DAB1: variants seen among roughly 807,000 people sequenced by gnomAD.
The protein encoded by DAB1 is DAB adaptor protein 1.
In DAB1, 15 loss-of-function variants were observed where a neutral mutation model predicts 64.6. The observed-to-expected ratio is 0.23, with a 90% confidence interval of 0.16 to 0.36. The LOEUF (loss-of-function observed/expected upper bound fraction) is 0.36. DAB1 is among the 10% of genes least tolerant of loss of function. The probability of loss-of-function intolerance (pLI) is 1.00; values close to 1 mark genes in which losing one functional copy is unlikely to be tolerated. For synonymous variants in DAB1, 235 were observed against 251.9 expected, an observed-to-expected ratio of 0.93 and a Z score of 0.64; for missense variants, 596 against 706.7, an observed-to-expected ratio of 0.84 and a Z score of 1.78.
intron 3 of DAB1, among the ~76,000 whole-genome samples, chr1:58,474,562 C>T (rs1222087992): frequency 6.6e-6 from 1 of 152,140 alleles, no homozygotes; most frequent in Non-Finnish European, 1.5e-5. Flanking sequence ...CAAGGGTCAA[C>T]TGTATGTTCC....
At chr1:57,430,425 G>A (rs937972241) in intron 7 of DAB1, among the ~76,000 whole-genome samples, 7 of 150,694 alleles carry the variant, frequency 4.6e-5, no homozygotes, top group Non-Finnish European at 1.0e-4. Context: ...GCCCAGGCTG[G>A]AGTGCAGTGG....
chr1:58,214,783 G>A (rs968655024), intron 4 of DAB1, among the ~76,000 whole-genome samples: 7 of 152,160 alleles, frequency 4.6e-5, no homozygotes, highest in African/African-American at 9.7e-5. Flanking sequence ...TCAAGGCTAA[G>A]CTTTTGACTA....
chr1:58,544,787 T>G (rs578080322), intron 1 of DAB1, among the ~76,000 whole-genome samples: 1 of 152,298 alleles, frequency 6.6e-6, no homozygotes, highest in East Asian at 1.9e-4. Flanking sequence ...AGAGACGGGG[T>G]TTCGGCAAAT....
chr1:57,266,162 G>A (rs1670576933), intron 2 of DAB1, among the ~76,000 whole-genome samples: 1 of 152,190 alleles, frequency 6.6e-6, no homozygotes, highest in South Asian at 2.1e-4. Context: ...TCAGAAAAAG[G>A]GGAGGCAGGA....
intron 5 of DAB1, among the ~76,000 whole-genome samples, chr1:58,067,171 A>G (rs1648905614): frequency 6.6e-6 from 1 of 152,178 alleles, no homozygotes; most frequent in Non-Finnish European, 1.5e-5. Flanking sequence ...TCCTTATTTG[A>G]GTGACTAAAA....
At chr1:58,132,416 C>A (rs1653671792) in intron 5 of DAB1, among the ~76,000 whole-genome samples, 1 of 152,204 alleles carries the variant, frequency 6.6e-6, no homozygotes. Flanking sequence ...AATCACCCGT[C>A]TTCTGCGTCG....
chr1:58,090,471 C>A (rs1286109352), intron 5 of DAB1, among the ~76,000 whole-genome samples: 1 of 152,154 alleles, frequency 6.6e-6, no homozygotes, highest in African/African-American at 2.4e-5. Flanking sequence ...GCCTATCATG[C>A]CAATTCCCTT....
intron 5 of DAB1, among the ~76,000 whole-genome samples, chr1:57,986,973 T>C (rs1646234641): frequency 6.6e-6 from 1 of 152,234 alleles, no homozygotes; most frequent in Non-Finnish European, 1.5e-5. Context: ...AGACTTTAAA[T>C]GAATTGTTCA....
chr1:57,256,986 T>G (rs575250350), intron 2 of DAB1, among the ~76,000 whole-genome samples: 1 of 152,302 alleles, frequency 6.6e-6, no homozygotes, highest in South Asian at 2.1e-4. Context: ...AATTTTAGGG[T>G]TGGCATTTAA....
intron 3 of DAB1, among the ~76,000 whole-genome samples, chr1:58,413,513 T>G (rs56031692): frequency 0.15 from 23,074 of 152,132 alleles, 2,250 homozygotes; most frequent in Middle Eastern, 0.22. Flanking sequence ...CAAACTGCAC[T>G]GTCTCCCTGT....
intron 7 of DAB1, among the ~76,000 whole-genome samples, chr1:57,630,166 T>C (rs1645971347): frequency 6.6e-6 from 1 of 152,144 alleles, no homozygotes; most frequent in African/African-American, 2.4e-5. Flanking sequence ...AGATATTTCA[T>C]TTGCAGGGCA....
At chr1:57,838,208 G>C (rs1652897805) in intron 1 of DAB1, among the ~76,000 whole-genome samples, 1 of 151,768 alleles carries the variant, frequency 6.6e-6, no homozygotes, top group African/African-American at 2.4e-5. Context: ...CTTATAAAAT[G>C]ACGCTTTTCA....
intron 3 of DAB1, among the ~76,000 whole-genome samples, chr1:58,421,867 T>C (rs112983416): frequency 2.6e-5 from 4 of 152,206 alleles, no homozygotes; most frequent in Non-Finnish European, 2.9e-5. Flanking sequence ...AAGTGGGCAG[T>C]AGTATAGGTT....
intron 7 of DAB1, among the ~76,000 whole-genome samples, chr1:57,457,144 C>T (rs1200587713): frequency 2.0e-5 from 3 of 152,176 alleles, no homozygotes. Context: ...TCCTCATCTA[C>T]ACTTCATCTT....
intron 6 of DAB1, among the ~76,000 whole-genome samples, chr1:57,706,368 C>G (rs1646967158): frequency 1.3e-5 from 2 of 151,856 alleles, no homozygotes; most frequent in South Asian, 2.1e-4. Context: ...TCCTGTGGTA[C>G]CATCAGGGCT....
chr1:58,531,688 G>A (rs1046558742), intron 1 of DAB1, among the ~76,000 whole-genome samples: 1 of 147,534 alleles, frequency 6.8e-6, no homozygotes, highest in East Asian at 2.0e-4. Flanking sequence ...ACACAAATGT[G>A]TGTTTTGAAA....
chr1:58,309,570 T>C (rs991404481), intron 4 of DAB1, among the ~76,000 whole-genome samples: 3 of 152,126 alleles, frequency 2.0e-5, no homozygotes, highest in Non-Finnish European at 4.4e-5. Context: ...CACAAAAAAC[T>C]ATGGCATATA....
rs1660535477 is a variant in DAB1 at position 57,159,468 on chromosome 1, A to C, written c.68-14039T>G. ...AAAGCAAGAAAAAGCCAGGCCCTAC[A>C]ATCTCCCCTTGGTAGACTGTAAGTT... is the stretch of plus-strand genomic sequence containing the variant. On this transcript the variant is annotated intron_variant, in intron 2 of 14. Transcript: ENST00000371236. 2.0e-5 allele frequency among the ~76,000 whole-genome samples: 3 copies of C among 152,164 alleles called. No individual in the cohort carries two copies. The South Asian group carries it at 6.2e-4, about 31-fold the overall frequency.
chr1:57,897,541 T>G (rs890210244), intron 5 of DAB1, among the ~76,000 whole-genome samples: 1 of 152,204 alleles, frequency 6.6e-6, no homozygotes, highest in African/African-American at 2.4e-5. Context: ...GCCTTCATGA[T>G]GGAGACCTCA....
Sources: allele counts gnomAD v4.1 joint callset (sites outside exome capture counted in the v4.1 genomes callset), GRCh38; gene constraint gnomAD v4.1.1; transcripts MANE v1.5; gene names NCBI Gene and HGNC (gene_info 2026-07-23, HGNC 2026-07-21).